Variants in WDR17 observed in about 807,000 individuals in gnomAD.
The protein encoded by WDR17 is WD repeat-containing protein 17.
WDR17 carries 143 observed loss-of-function variants against 161.7 expected under a neutral mutation model. That is an observed-to-expected ratio of 0.88 (90% confidence interval 0.77 to 1.02). The LOEUF is 1.02. Ranked by LOEUF, WDR17 falls within the 50% of genes least tolerant of loss-of-function variation. WDR17 has a pLI of 0.00. For synonymous variants in WDR17, 517 were observed against 515.6 expected (o/e 1.00, Z -0.04); for missense variants, 1,469 against 1,520.9 (o/e 0.97, Z 0.57).
chr4:176,118,853 C>T (rs989236940), intron 3 of WDR17, among the ~76,000 whole-genome samples: 32 of 151,690 alleles, frequency 2.1e-4, no homozygotes, highest in Non-Finnish European at 3.8e-4. Flanking sequence ...CCCAGCTACT[C>T]GGGAGGCTGA....
chr4:176,149,990 C>T, intron 14 of WDR17, 34 bp downstream of exon 14: 1 of 1,609,716 alleles, frequency 6.2e-7, no homozygotes, highest in Non-Finnish European at 8.5e-7. Flanking sequence ...GAGTTTATTT[C>T]TAAATAAGTT....
chr4:176,172,084 G>T (rs563422338), intron 23 of WDR17, among the ~76,000 whole-genome samples: 43 of 151,936 alleles, frequency 2.8e-4, no homozygotes, highest in Non-Finnish European at 4.6e-4. Flanking sequence ...GCATTTTTGG[G>T]TACTAACTCC....
Position 176,151,825 on chromosome 4 carries a change from A to C in WDR17, c.2318A>C (p.Glu773Ala). Residue 773 changes from glutamate (E) to alanine (A), a missense_variant, in exon 17 of 29, where the codon GAA (glutamate) becomes GCA (alanine). By Grantham distance (107) the Glu-to-Ala change is moderately radical. Coordinates refer to ENST00000508596, the MANE Select transcript of WDR17 (RefSeq NM_181265.4). ...TTTTAAAACCAGTCTGAAGCTCAAG[A>C]ACTAACAACAGTCAAGATGTCTAAA... Reference protein sequence around the residue: ...LIKFRTSEAQELTTVKMSKFG... With the variant: ...LIKFRTSEAQALTTVKMSKFG... The C allele has an allele frequency of 6.3e-7, 1 of 1,582,798 alleles. No homozygotes were observed. The highest frequency in any genetic ancestry group is 8.6e-7 in the Non-Finnish European group (1 of 1,169,522).
intron 7 of WDR17, among the ~76,000 whole-genome samples, chr4:176,132,378 AC>A (rs1476237774): frequency 6.6e-6 from 1 of 152,086 alleles, no homozygotes; most frequent in Admixed American, 6.6e-5. Context: ...TTTGTCAAAA[AC>A]AATCCTCTTT....
Position 176,181,449 on chromosome 4 carries a change from A to G in WDR17, c.*1870A>G, listed in dbSNP as rs556742938. Reference sequence around the variant, plus strand: ...ACTACTGCACTCCAGCCTGGGCGACAGAGCAAGACCACCATCTCCAAAAAT... The same window carrying G: ...ACTACTGCACTCCAGCCTGGGCGACGGAGCAAGACCACCATCTCCAAAAAT... On this transcript the variant is annotated 3_prime_UTR_variant, in exon 29 of 29. Coordinates refer to ENST00000508596, the MANE Select transcript of WDR17 (RefSeq NM_181265.4). The G allele has an allele frequency of 7.6e-5, 16 of 210,036 alleles. No individual in the cohort carries two copies. The highest frequency in any genetic ancestry group is 1.2e-4 in the Non-Finnish European group (13 of 107,350). The allele number at this position is 210,036 out of a possible 1,614,324, so 13.0% of individuals were successfully genotyped here.
intron 1 of WDR17, among the ~76,000 whole-genome samples, chr4:176,074,810 C>CTTT (rs386357678): frequency 0.17 from 13,676 of 78,494 alleles, 1,164 homozygotes; most frequent in Non-Finnish European, 0.22. Context: ...TTTTTTAATG[C>CTTT]TTTTTTTTTT....
rs138075731 is a variant in WDR17 at position 176,138,667 on chromosome 4, A to G, written c.1359+1056A>G. On this transcript the variant is annotated intron_variant, in intron 9 of 28. Coordinates refer to ENST00000508596, the MANE Select transcript of WDR17 (RefSeq NM_181265.4). ...TATGGCCCAGATTCAAAAATTGTAT[A>G]TCTTTACTCATTAGATCAGTTGATT... Among the ~76,000 whole-genome samples the G allele has an allele frequency of 3.2e-4, 48 of 151,926 alleles. 2 individuals carry two copies. The East Asian group carries it at 8.7e-3, about 27-fold the overall frequency.
intron 1 of WDR17, among the ~76,000 whole-genome samples, chr4:176,106,216 T>C (rs1200422319): frequency 6.6e-6 from 1 of 152,002 alleles, no homozygotes; most frequent in Admixed American, 6.6e-5. Flanking sequence ...CAAAACAGTG[T>C]CATACCAGCA....
At chr4:176,147,263 T>A (rs1057297592) in intron 12 of WDR17, among the ~76,000 whole-genome samples, 16 of 152,184 alleles carry the variant, frequency 1.1e-4, no homozygotes, top group Admixed American at 4.6e-4. Context: ...ACTTTTGAAG[T>A]ACTACTATTT....
At chr4:176,167,666 A>AAAAAAAAAAAAAAAAAACC (rs1561210753) in intron 22 of WDR17, among the ~76,000 whole-genome samples, 17 of 139,856 alleles carry the variant, frequency 1.2e-4, no homozygotes, top group African/African-American at 4.4e-4. Flanking sequence ...AAAAAAAAAA[A>AAAAAAAAAAAAAAAAAACC]AAAAAACAAT....
rs760885978 is a variant in WDR17 at position 176,120,056 on chromosome 4, T to C, written c.497T>C (p.Val166Ala). The C allele has an allele frequency of 6.2e-7, 1 of 1,614,054 alleles. No individual in the cohort carries two copies. The highest frequency in any genetic ancestry group is 1.3e-5 in the African/African-American group (1 of 75,042). The change falls in exon 4 of 29, where the codon GTG (valine) becomes GCG (alanine). Residue 166 changes from valine to alanine, a missense_variant. Val to Ala is a moderately conservative substitution (Grantham distance 64). Transcript: ENST00000508596. The part of the protein sequence containing the change: ...RWHTHQKGKV[V>A]FGHIDGSLSI... ...CATACACACCAAAAGGGGAAAGTTG[T>C]GTTTGGTCATATTGATGGAAGTCTA...
intron 7 of WDR17, among the ~76,000 whole-genome samples, chr4:176,132,305 A>G (rs1416124679): frequency 6.6e-6 from 1 of 152,070 alleles, no homozygotes; most frequent in Non-Finnish European, 1.5e-5. Context: ...TAGCAAGACT[A>G]TTAAATTTTG....
intron 28 of WDR17, among the ~76,000 whole-genome samples, chr4:176,178,853 A>C (rs1396795928): frequency 1.3e-5 from 2 of 152,242 alleles, no homozygotes; most frequent in Non-Finnish European, 2.9e-5. Flanking sequence ...GCTTTTCCTT[A>C]TCAGAGCTAG....
chr4:176,073,285 T>G lies in WDR17; in HGVS notation c.-7+7206T>G, dbSNP rs148291142. Among the ~76,000 whole-genome samples, 390 of 152,264 alleles carry G rather than the reference T, an allele frequency of 2.6e-3. 1 individual carries two copies. The highest frequency in any genetic ancestry group is 4.0e-3 in the Non-Finnish European group (273 of 68,028). ...CCACCCTACAACAGTCCCCAGAGTG[T>G]GATGTTCCCCTTACTATGTCCATGT... is the stretch of plus-strand genomic sequence containing the variant. On this transcript the variant is annotated intron_variant, in intron 1 of 28. Transcript: ENST00000508596.
At chr4:176,079,461 C>A (rs1734471424) in intron 1 of WDR17, among the ~76,000 whole-genome samples, 1 of 152,106 alleles carries the variant, frequency 6.6e-6, no homozygotes, top group African/African-American at 2.4e-5. Context: ...TTTTTATTAG[C>A]AGTACTGCAA....
chr4:176,173,341 G>C lies in WDR17; in HGVS notation c.3319G>C (p.Glu1107Gln). The C allele has an allele frequency of 3.1e-6, 5 of 1,612,628 alleles. No homozygotes were observed. Among genetic ancestry groups the C allele is most frequent in the Non-Finnish European group, 4.2e-6 (5 of 1,179,416 alleles). Residue 1107 changes from glutamate to glutamine, a missense_variant, in exon 25 of 29, where the codon GAA becomes CAA. By Grantham distance (29) the Glu-to-Gln change is conservative. Transcript: ENST00000508596. Reference sequence around the variant, plus strand: ...TGACCTACTGAGCTATATTCGTACTGAAAAATTACTCTTGCATACGTGTAC... The same window carrying C: ...TGACCTACTGAGCTATATTCGTACTCAAAAATTACTCTTGCATACGTGTAC... ...VLDLLSYIRT[E>Q]KLLLHTCTEA...
Position 176,083,717 on chromosome 4 carries a change from G to A in WDR17, c.-7+17638G>A, listed in dbSNP as rs114455668. ...ACTTAGGAGTGGAAATGCTGGTCAT[G>A]GGGTATGTATTTGTTCGGCGTTAGA... On this transcript the variant is annotated intron_variant, in intron 1 of 28. Coordinates refer to ENST00000508596, the MANE Select transcript of WDR17 (RefSeq NM_181265.4). Among the ~76,000 whole-genome samples, 645 of 152,180 alleles carry A rather than the reference G, an allele frequency of 4.2e-3. 5 individuals are homozygous for A. The highest frequency in any genetic ancestry group is 0.014 in the African/African-American group (602 of 41,542).
intron 7 of WDR17, among the ~76,000 whole-genome samples, chr4:176,134,172 T>C (rs1348384527): frequency 6.6e-6 from 1 of 151,728 alleles, no homozygotes. Context: ...CGAGTACTTT[T>C]GTAGTTTCCT....
chr4:176,130,224 A>G (rs900738412), intron 6 of WDR17, among the ~76,000 whole-genome samples: 1 of 152,200 alleles, frequency 6.6e-6, no homozygotes, highest in Non-Finnish European at 1.5e-5. Flanking sequence ...AAAGTTGTCT[A>G]ACCCACCTAT....
Sources: allele counts gnomAD v4.1 joint callset (sites outside exome capture counted in the v4.1 genomes callset), GRCh38; gene constraint gnomAD v4.1.1; transcripts MANE v1.5; gene names NCBI Gene and HGNC (gene_info 2026-07-23, HGNC 2026-07-21).